NBEAL1: variants seen among roughly 807,000 people sequenced by gnomAD.
NBEAL1 encodes neurobeachin-like protein 1.
A neutral mutation model predicts 351.3 loss-of-function variants in NBEAL1; 273 were observed. That is an observed-to-expected ratio of 0.78 (90% CI 0.70 to 0.86). NBEAL1 has a LOEUF of 0.86. Among genes scored for constraint, NBEAL1 ranks in the 40% least tolerant of loss-of-function variants. The probability of loss-of-function intolerance (pLI) is 0.00; values close to 1 mark genes in which losing one functional copy is unlikely to be tolerated. For missense variants in NBEAL1, 2,961 were observed against 3,201.3 expected, an observed-to-expected ratio of 0.92 and a Z score of 1.81; for synonymous variants, 1,050 against 1,086.4, an observed-to-expected ratio of 0.97 and a Z score of 0.66.
chr2:203,088,674 T>C (rs1253256037), intron 10 of NBEAL1, among the ~76,000 whole-genome samples: 1 of 152,340 alleles, frequency 6.6e-6, no homozygotes, highest in East Asian at 1.9e-4. Context: ...TATATTCATA[T>C]TCCCTTTCTT....
intron 37 of NBEAL1, 52 bp from the exon 38 acceptor site, chr2:203,167,175 G>C: frequency 6.5e-7 from 1 of 1,532,018 alleles, no homozygotes; most frequent in African/African-American, 1.4e-5. Flanking sequence ...TTTCTACTTA[G>C]CATGAGTAAC....
At chr2:203,028,848 G>A (rs908976306) in intron 2 of NBEAL1, among the ~76,000 whole-genome samples, 10 of 151,830 alleles carry the variant, frequency 6.6e-5, no homozygotes, top group African/African-American at 2.4e-4. Flanking sequence ...AGCAGTTTTA[G>A]GTTCCCAGAA....
intron 7 of NBEAL1, among the ~76,000 whole-genome samples, chr2:203,074,116 T>G (rs946642615): frequency 6.6e-6 from 1 of 152,114 alleles, no homozygotes; most frequent in African/African-American, 2.4e-5. Flanking sequence ...CAAAAAAAGT[T>G]AAGTATGTGA....
chr2:203,149,840 T>C (rs1186493289), intron 34 of NBEAL1, among the ~76,000 whole-genome samples: 3 of 152,220 alleles, frequency 2.0e-5, no homozygotes, highest in Non-Finnish European at 2.9e-5. Flanking sequence ...TATTTGTGTC[T>C]GCCATCTTTC....
At chr2:203,032,434 G>A (rs1161488638) in intron 2 of NBEAL1, among the ~76,000 whole-genome samples, 1 of 151,876 alleles carries the variant, frequency 6.6e-6, no homozygotes, top group African/African-American at 2.4e-5. Context: ...GAGGCGGGCA[G>A]ATCATGGGGT....
chr2:203,126,765 ATAAC>A, intron 22 of NBEAL1, 49 bp downstream of exon 22: 1 of 1,519,518 alleles, frequency 6.6e-7, no homozygotes, highest in Non-Finnish European at 8.8e-7. Context: ...TTAGAAATTT[ATAAC>A]TACCTATTGA....
chr2:203,135,644 T>A, intron 27 of NBEAL1, 33 bp from the exon 28 acceptor site: 1 of 1,367,258 alleles, frequency 7.3e-7, no homozygotes, highest in Non-Finnish European at 9.8e-7. Context: ...TATGTACTTT[T>A]TGAAGAATTT....
chr2:203,025,332 CTT>C (rs1270128381), intron 2 of NBEAL1, among the ~76,000 whole-genome samples: 1 of 152,144 alleles, frequency 6.6e-6, no homozygotes, highest in Non-Finnish European at 1.5e-5. Flanking sequence ...GGAGTGCAAA[CTT>C]TAAAAATTTC....
At position 203,211,112 on chromosome 2, in the gene NBEAL1, T is replaced by G. The variant is rs750231803; in HGVS notation, c.7934+6T>G. The G allele has an allele frequency of 6.5e-6, 10 of 1,532,102 alleles. No individual in the cohort carries two copies. The highest frequency in any genetic ancestry group is 8.8e-6 in the Non-Finnish European group (10 of 1,139,048). 94.9% of individuals were successfully genotyped at this position (1,532,102 alleles called of 1,614,324 possible). Reference sequence around the variant, plus strand: ...TCTATAAGAGATCTCCACAGGTAAATAATAAAAACTAATGAAGTATCACTT... The same window carrying G: ...TCTATAAGAGATCTCCACAGGTAAAGAATAAAAACTAATGAAGTATCACTT... On this transcript the variant is annotated splice_donor_region_variant and intron_variant, in intron 54 of 55. Transcript: ENST00000683969.
chr2:203,113,179 A>C lies in NBEAL1; in HGVS notation c.2367A>C (p.Lys789Asn). The C allele has an allele frequency of 1.3e-6, 2 of 1,551,974 alleles. No individual in the cohort carries two copies. The highest frequency in any genetic ancestry group is 8.7e-7 in the Non-Finnish European group (1 of 1,146,956). The change falls in exon 17 of 56, where the codon AAA becomes AAC. Residue 789 changes from lysine to asparagine, a missense_variant. Coordinates refer to ENST00000683969, the MANE Select transcript of NBEAL1 (RefSeq NM_001378026.1). ...ASWGGTIEKS[K>N]LITKLISAGT... ...GGGGAGGAACAATTGAAAAATCAAA[A>C]TTGATTACCAAATTGATATCAGCTG...
intron 48 of NBEAL1, among the ~76,000 whole-genome samples, chr2:203,198,614 C>A (rs1172168710): frequency 6.6e-6 from 1 of 151,912 alleles, no homozygotes; most frequent in Non-Finnish European, 1.5e-5. Context: ...ACCTGTAATC[C>A]CAGAACTTGG....
At chr2:203,175,434 GTCAC>G in intron 42 of NBEAL1, 147 bp downstream of exon 42, 5 of 768,194 alleles carry the variant, frequency 6.5e-6, no homozygotes, top group Non-Finnish European at 1.0e-5. Context: ...TTGAGAATGA[GTCAC>G]TCAAACTGTC....
At chr2:203,110,808 C>A (rs1403742199) in intron 15 of NBEAL1, among the ~76,000 whole-genome samples, 6 of 137,050 alleles carry the variant, frequency 4.4e-5, no homozygotes, top group Non-Finnish European at 4.6e-5. Flanking sequence ...GCTCTGTCGC[C>A]AGTCTGGAGT....
At chr2:203,187,349 TGCCTG>T (rs1468872430) in intron 44 of NBEAL1, among the ~76,000 whole-genome samples, 4 of 142,922 alleles carry the variant, frequency 2.8e-5, no homozygotes, top group Non-Finnish European at 6.1e-5. Flanking sequence ...TGAGCCACCA[TGCCTG>T]GCTCTTGCAA....
At chr2:203,174,975 T>G (rs1482318465) in intron 41 of NBEAL1, among the ~76,000 whole-genome samples, 172 bp from the exon 42 acceptor site, 1 of 152,024 alleles carries the variant, frequency 6.6e-6, no homozygotes, top group African/African-American at 2.4e-5. Flanking sequence ...GCAATAAAAT[T>G]TTTTTCGTTT....
intron 26 of NBEAL1, among the ~76,000 whole-genome samples, chr2:203,132,468 T>C (rs2063096581): frequency 6.6e-6 from 1 of 152,218 alleles, no homozygotes. Context: ...ATATTCTTTG[T>C]TGTTTCTTTT....
rs1055195037 is a variant in NBEAL1 at position 203,078,286 on chromosome 2, A to G, written c.684+449A>G. Among the ~76,000 whole-genome samples, 2 of 152,178 alleles carry G rather than the reference A, an allele frequency of 1.3e-5. 1 individual carries two copies. Among genetic ancestry groups the G allele is most frequent in the South Asian group, 4.1e-4 (2 of 4,832 alleles). On this transcript the variant is annotated intron_variant, in intron 8 of 55. Coordinates refer to ENST00000683969, the MANE Select transcript of NBEAL1 (RefSeq NM_001378026.1). ...TCCAACTAGTGTTTTAAAATTTACAAAAAAGAATTTCTAGTATTTTTTTAA... is the reference window on the plus strand; with the variant it reads ...TCCAACTAGTGTTTTAAAATTTACAGAAAAGAATTTCTAGTATTTTTTTAA...
chr2:203,116,528 A>G (rs762354247), intron 18 of NBEAL1, among the ~76,000 whole-genome samples: 12 of 151,874 alleles, frequency 7.9e-5, no homozygotes, highest in Non-Finnish European at 1.3e-4. Context: ...TAATCCCAGC[A>G]CTTTGGGATG....
intron 42 of NBEAL1, among the ~76,000 whole-genome samples, chr2:203,178,018 CA>C (rs77855827): frequency 0.52 from 73,206 of 142,118 alleles, 18,795 homozygotes; most frequent in Middle Eastern, 0.71. Context: ...TACTCCATCT[CA>C]AAAAAAAAAA....
Sources: allele counts gnomAD v4.1 joint callset (sites outside exome capture counted in the v4.1 genomes callset), GRCh38; gene constraint gnomAD v4.1.1; transcripts MANE v1.5; gene names NCBI Gene and HGNC (gene_info 2026-07-23, HGNC 2026-07-21).